DAB1: variants seen among roughly 807,000 people sequenced by gnomAD.
DAB1 encodes DAB adaptor protein 1, also known as disabled homolog 1.
A neutral mutation model predicts 64.6 loss-of-function variants in DAB1; 15 were observed. The observed-to-expected ratio is 0.23, with a 90% CI of 0.16 to 0.36. The LOEUF (loss-of-function observed/expected upper bound fraction) is 0.36, where lower values mean the gene tolerates loss of function less well. Ranked by LOEUF, DAB1 falls within the 10% of genes least tolerant of loss-of-function variation. The pLI is 1.00. For synonymous variants in DAB1, 235 were observed against 251.9 expected, an observed-to-expected ratio of 0.93 and a Z score of 0.64; for missense variants, 596 against 706.7, an observed-to-expected ratio of 0.84 and a Z score of 1.78.
chr1:57,651,480 A>T (rs551176802), intron 6 of DAB1, among the ~76,000 whole-genome samples: 1 of 152,332 alleles, frequency 6.6e-6, no homozygotes, highest in Non-Finnish European at 1.5e-5. Flanking sequence ...AAAACTAGTG[A>T]TATATAGCCA....
intron 1 of DAB1, among the ~76,000 whole-genome samples, chr1:57,401,099 A>C (rs775308945): frequency 7.2e-5 from 11 of 152,154 alleles, no homozygotes; most frequent in Non-Finnish European, 1.3e-4. Flanking sequence ...ATAATCAGAT[A>C]AGTATAAAAG....
chr1:58,063,312 A>G (rs1403513451), intron 5 of DAB1, among the ~76,000 whole-genome samples: 1 of 152,210 alleles, frequency 6.6e-6, no homozygotes, highest in Non-Finnish European at 1.5e-5. Flanking sequence ...GACGCAAGAA[A>G]AAAAATGACA....
chr1:57,695,294 GAGAAGGAAAGAAAGAA>G (rs1467875665), intron 6 of DAB1, among the ~76,000 whole-genome samples: 1,455 of 52,136 alleles, frequency 0.028, 191 homozygotes, highest in African/African-American at 0.092. Context: ...GAAAGGGAGA[GAGAAGGAAAGAAAGAA>G]AGAAAGAAAG....
chr1:57,369,301 G>T (rs761223301), intron 1 of DAB1, among the ~76,000 whole-genome samples: 8 of 152,192 alleles, frequency 5.3e-5, no homozygotes, highest in Non-Finnish European at 1.2e-4. Context: ...ACAGGAAGGA[G>T]ATCCAACACT....
intron 2 of DAB1, among the ~76,000 whole-genome samples, chr1:57,148,820 C>T (rs7539631): frequency 6.6e-6 from 1 of 152,170 alleles, no homozygotes; most frequent in African/African-American, 2.4e-5. Context: ...ACAGCATAAC[C>T]TGAATGTTTA....
intron 7 of DAB1, among the ~76,000 whole-genome samples, chr1:57,487,779 A>ATGCATTTC (rs1644110418): frequency 6.6e-6 from 1 of 152,180 alleles, no homozygotes; most frequent in African/African-American, 2.4e-5. Flanking sequence ...TCACCAAAAG[A>ATGCATTTC]TGCATTTCTC....
chr1:57,861,496 A>G (rs1306969523), intron 1 of DAB1, among the ~76,000 whole-genome samples: 5 of 152,078 alleles, frequency 3.3e-5, no homozygotes, highest in Admixed American at 2.6e-4. Flanking sequence ...ATACCATCAC[A>G]CTGGGAATAA....
chr1:57,223,712 A>G (rs1379660675), intron 2 of DAB1, among the ~76,000 whole-genome samples: 1 of 152,204 alleles, frequency 6.6e-6, no homozygotes, highest in Non-Finnish European at 1.5e-5. Context: ...CGCAGACAGC[A>G]GCCCTACTTG....
intron 5 of DAB1, among the ~76,000 whole-genome samples, chr1:57,975,779 G>A (rs1173753258): frequency 6.6e-6 from 1 of 152,146 alleles, no homozygotes; most frequent in Non-Finnish European, 1.5e-5. Context: ...AAAACCACTG[G>A]TCTAGATGAA....
chr1:58,492,664 G>A (rs1645718697), intron 3 of DAB1, among the ~76,000 whole-genome samples: 1 of 152,160 alleles, frequency 6.6e-6, no homozygotes, highest in African/African-American at 2.4e-5. Context: ...TAGAAAATCT[G>A]GAAGAAATGG....
At chr1:57,436,872 C>CA (rs1423892927) in intron 7 of DAB1, among the ~76,000 whole-genome samples, 4 of 151,764 alleles carry the variant, frequency 2.6e-5, no homozygotes, top group Non-Finnish European at 5.9e-5. Flanking sequence ...CTAAAAAATA[C>CA]AAAAAATTAC....
chr1:57,472,116 T>C (rs1004136177), intron 7 of DAB1, among the ~76,000 whole-genome samples: 1 of 152,246 alleles, frequency 6.6e-6, no homozygotes, highest in Non-Finnish European at 1.5e-5. Context: ...CTCAGTTACC[T>C]AGTGAGTATG....
chr1:58,434,796 C>T (rs1644923784), intron 3 of DAB1, among the ~76,000 whole-genome samples: 3 of 152,116 alleles, frequency 2.0e-5, no homozygotes, highest in African/African-American at 7.2e-5. Flanking sequence ...AAGTGCATCC[C>T]CTGCATGTCC....
At chr1:57,509,052 T>C (rs1023205847) in intron 7 of DAB1, among the ~76,000 whole-genome samples, 1 of 152,096 alleles carries the variant, frequency 6.6e-6, no homozygotes, top group African/African-American at 2.4e-5. Context: ...TATATACATA[T>C]ACAAAATACA....
chr1:57,978,420 A>G (rs1227141929), intron 5 of DAB1, among the ~76,000 whole-genome samples: 1 of 152,182 alleles, frequency 6.6e-6, no homozygotes. Flanking sequence ...TCAACTCAAG[A>G]TGGATCAAAG....
At chr1:58,304,120 C>G (rs986095873) in intron 4 of DAB1, among the ~76,000 whole-genome samples, 1 of 152,008 alleles carries the variant, frequency 6.6e-6, no homozygotes. Context: ...CATATAAGGG[C>G]GAGAAAGACC....
At chr1:57,435,190 A>G (rs995395329) in intron 7 of DAB1, among the ~76,000 whole-genome samples, 1 of 151,636 alleles carries the variant, frequency 6.6e-6, no homozygotes, top group African/African-American at 2.4e-5. Context: ...CTGGGACTAC[A>G]GGCACTTGCC....
chr1:57,564,208 G>C (rs1025162111), intron 7 of DAB1, among the ~76,000 whole-genome samples: 3 of 152,182 alleles, frequency 2.0e-5, no homozygotes, highest in Non-Finnish European at 4.4e-5. Flanking sequence ...AACTCCAACA[G>C]ACCTGCAGCT....
chr1:57,089,025 A>G (rs892883881), intron 4 of DAB1, among the ~76,000 whole-genome samples: 3 of 152,242 alleles, frequency 2.0e-5, no homozygotes, highest in Admixed American at 2.0e-4. Context: ...CTCACAAGCA[A>G]TGTACACCTG....
Sources: allele counts gnomAD v4.1 joint callset (sites outside exome capture counted in the v4.1 genomes callset), GRCh38; gene constraint gnomAD v4.1.1; transcripts MANE v1.5; gene names NCBI Gene and HGNC (gene_info 2026-07-23, HGNC 2026-07-21).